ECE1: variants seen among roughly 807,000 people sequenced by gnomAD.
ECE1 encodes the protein endothelin converting enzyme 1, also known as endothelin-converting enzyme 1.
Under a neutral mutation model 98.6 loss-of-function variants are expected in ECE1, and 35 were observed. That is an observed-to-expected ratio of 0.35 (90% CI 0.27 to 0.47). The LOEUF is 0.47. Ranked by LOEUF, ECE1 falls within the 20% of genes least tolerant of loss-of-function variation. The probability of loss-of-function intolerance (pLI) is 1.00; values close to 1 mark genes in which losing one functional copy is unlikely to be tolerated. For synonymous variants in ECE1, 394 were observed against 407.1 expected, an observed-to-expected ratio of 0.97 and a Z score of 0.39; for missense variants, 814 against 1,025.3, an observed-to-expected ratio of 0.79 and a Z score of 2.81.
intron 10 of ECE1, among the ~76,000 whole-genome samples, chr1:21,244,698 T>C (rs894134236): frequency 6.6e-6 from 1 of 152,146 alleles, no homozygotes; most frequent in Non-Finnish European, 1.5e-5. Flanking sequence ...AGTAATACTA[T>C]TGGTGGTCCC....
chr1:21,320,452 T>C (rs1241247021), intron 1 of ECE1, among the ~76,000 whole-genome samples: 1 of 152,200 alleles, frequency 6.6e-6, no homozygotes, highest in Non-Finnish European at 1.5e-5. Flanking sequence ...TATGAGTAAT[T>C]GAAGAGTTTG....
intron 17 of ECE1, among the ~76,000 whole-genome samples, chr1:21,223,582 C>T (rs1314414052): frequency 2.0e-5 from 3 of 152,200 alleles, no homozygotes; most frequent in Non-Finnish European, 4.4e-5. Flanking sequence ...TTCCCTGCCT[C>T]GGCCTCCCGA....
At chr1:21,241,900 T>A (rs1206593490) in intron 10 of ECE1, among the ~76,000 whole-genome samples, 1 of 152,076 alleles carries the variant, frequency 6.6e-6, no homozygotes, top group Non-Finnish European at 1.5e-5. Flanking sequence ...TTGCAGGAGA[T>A]CTATGAGTCA....
At chr1:21,221,907 TG>T (rs1331725915) in intron 17 of ECE1, 65 bp from the exon 18 acceptor site, 2 of 1,457,332 alleles carry the variant, frequency 1.4e-6, no homozygotes, top group South Asian at 1.1e-5. Flanking sequence ...GGGACTGGTA[TG>T]GAGGTCTCAG....
rs571502222 is a variant in ECE1 at position 21,253,767 on chromosome 1, T to TAAA, written c.1020+2177_1020+2179dup. Reference sequence around the variant, plus strand: ...GAGAGCGCGAGACTCTGTCTCAAATTAAAAAAAAAAAAAGAACCACAGGCC... The same window carrying TAAA: ...GAGAGCGCGAGACTCTGTCTCAAATTAAAAAAAAAAAAAAAAGAACCACAGGCC... On this transcript the variant is annotated intron_variant, in intron 8 of 18. Coordinates refer to ENST00000374893, the MANE Select transcript of ECE1 (RefSeq NM_001397.3). 1.6e-3 allele frequency among the ~76,000 whole-genome samples: 188 copies of TAAA among 119,302 alleles called. 2 individuals carry two copies. The highest frequency in any genetic ancestry group is 4.8e-3 in the African/African-American group (159 of 33,264). 78.3% of individuals were successfully genotyped at this position (119,302 alleles called of 152,430 possible).
chr1:21,345,394 C>G lies in ECE1; in HGVS notation c.-16G>C. 1 of 1,337,954 alleles carries G rather than the reference C, an allele frequency of 7.5e-7. No homozygotes were observed. The highest frequency in any genetic ancestry group is 9.7e-7 in the Non-Finnish European group (1 of 1,034,146). The allele number at this position is 1,337,954 out of a possible 1,614,324, so 82.9% of individuals were successfully genotyped here. A position where few individuals can be genotyped will look rare whatever the true frequency, so the allele number is the denominator to read the frequency against. On this transcript the variant is annotated 5_prime_UTR_variant, in exon 1 of 19. Coordinates refer to the ECE1 transcript ENST00000415912. This position sits in a 1 kb window ranked among gnomAD's most constrained non-coding sequence, Gnocchi z 5.1. ...CACTCACCATAGCTCGCGTGCTCCG[C>G]CCCGGCTTCGCGCAGCTCCCCGCGC...
chr1:21,273,346 C>CGTGTGTGCGTGTGT (rs374866976), intron 3 of ECE1, among the ~76,000 whole-genome samples: 2 of 133,078 alleles, frequency 1.5e-5, no homozygotes, highest in African/African-American at 6.2e-5. Flanking sequence ...TGCGTGTGTG[C>CGTGTGTGCGTGTGT]GTGTGTGTGT....
chr1:21,330,787 C>G (rs116723872), intron 1 of ECE1, among the ~76,000 whole-genome samples: 303 of 152,286 alleles, frequency 2.0e-3, no homozygotes, highest in African/African-American at 6.9e-3. Context: ...CTTCCACACC[C>G]CCTTCCTTGA....
At chr1:21,297,566 C>G (rs912652140) in intron 1 of ECE1, among the ~76,000 whole-genome samples, 2 of 143,600 alleles carry the variant, frequency 1.4e-5, no homozygotes, top group African/African-American at 5.2e-5. Flanking sequence ...GAATCTCACT[C>G]TGTCACCCAG....
intron 4 of ECE1, among the ~76,000 whole-genome samples, chr1:21,264,916 A>G (rs957524060): frequency 6.6e-6 from 1 of 152,102 alleles, no homozygotes; most frequent in Non-Finnish European, 1.5e-5. Context: ...TAACTCAAGC[A>G]TCTGCTCAGA....
chr1:21,310,133 C>T (rs1037043301), intron 1 of ECE1, among the ~76,000 whole-genome samples: 3 of 152,200 alleles, frequency 2.0e-5, no homozygotes, highest in Non-Finnish European at 4.4e-5. Flanking sequence ...TCTTGGCTCA[C>T]ATTGCCTCAG....
In ECE1 at chr1:21,260,311, T is replaced by C; in HGVS notation, c.575A>G (p.Glu192Gly). The C allele has an allele frequency of 6.2e-7, 1 of 1,614,256 alleles. No homozygotes were observed. Reference protein sequence around the residue: ...YRACMNETRIEELRAKPLMEL... With the variant: ...YRACMNETRIGELRAKPLMEL... Reference sequence around the variant, plus strand: ...CATTAGAGGTTTGGCCCTGAGCTCCTCGATCCTGGTCTCGTTCATGCACGC... The same window carrying C: ...CATTAGAGGTTTGGCCCTGAGCTCCCCGATCCTGGTCTCGTTCATGCACGC... Residue 192 changes from glutamate to glycine, a missense_variant, in exon 5 of 19, where the codon GAG (glutamate) becomes GGG (glycine). By Grantham distance (98) the Glu-to-Gly change is moderately conservative. Around this residue, in one of 3 missense-constraint regions of ECE1, gnomAD observed 257 missense variants for 278.9 expected, o/e 0.92. Coordinates refer to ENST00000374893, the MANE Select transcript of ECE1 (RefSeq NM_001397.3). This position sits in a 1 kb window ranked among gnomAD's most constrained non-coding sequence, Gnocchi z 4.3.
upstream of ECE1, chr1:21,290,527 T>C: frequency 8.3e-7 from 1 of 1,198,980 alleles, no homozygotes; most frequent in Non-Finnish European, 1.0e-6. The surrounding 1 kb of genome is among the most constrained non-coding windows in gnomAD (Gnocchi z 7.3). Context: ...GGCGCCCGGT[T>C]CCCAACCTCC....
intron 1 of ECE1, among the ~76,000 whole-genome samples, chr1:21,328,885 C>G (rs1639138723): frequency 6.6e-6 from 1 of 152,080 alleles, no homozygotes; most frequent in East Asian, 1.9e-4. Context: ...CCAGCTCTGC[C>G]ACCACAAGCT....
At chr1:21,264,319 C>CG (rs1558398371) in intron 4 of ECE1, among the ~76,000 whole-genome samples, 1 of 143,636 alleles carries the variant, frequency 7.0e-6, no homozygotes, top group Non-Finnish European at 1.5e-5. Flanking sequence ...TCCCCCCCCC[C>CG]CTTTTTTTTT....
chr1:21,255,955 C>T lies in ECE1; in HGVS notation c.1012G>A (p.Glu338Lys), dbSNP rs1234219477. ...GCCGGCGCTCAAGTTACCTGCAGCT[C>T]GGCTGCCGTCACTTTGTGGTAGATG... ...ELIYHKVTAAELQTLAPAINW... is the reference protein window; with the variant it reads ...ELIYHKVTAAKLQTLAPAINW... Residue 338 changes from glutamate (E) to lysine (K), a missense_variant, in exon 8 of 19, where the codon GAG becomes AAG. Physicochemically the swap from Glu to Lys is moderately conservative, Grantham distance 56. Around this residue, in one of 3 missense-constraint regions of ECE1, gnomAD observed 105 missense variants for 179.1 expected, o/e 0.59. Transcript: ENST00000374893. 13 of 1,613,926 alleles carry T rather than the reference C, an allele frequency of 8.1e-6. No individual in the cohort carries two copies. The highest frequency in any genetic ancestry group is 4.0e-5 in the African/African-American group (3 of 74,946).
intron 2 of ECE1, 146 bp downstream of exon 2, chr1:21,289,924 A>T: frequency 1.0e-6 from 1 of 1,004,630 alleles, no homozygotes; most frequent in Non-Finnish European, 1.3e-6. Context: ...AGCTGCGGGG[A>T]GGCGCGGCCC....
intron 8 of ECE1, among the ~76,000 whole-genome samples, chr1:21,252,967 C>T (rs1438879929): frequency 6.6e-6 from 1 of 152,224 alleles, no homozygotes; most frequent in Non-Finnish European, 1.5e-5. Flanking sequence ...TCTCCAACAA[C>T]CCTGTGTGGC....
chr1:21,336,002 C>A (rs1487783972), intron 1 of ECE1, among the ~76,000 whole-genome samples: 5 of 152,244 alleles, frequency 3.3e-5, no homozygotes, highest in South Asian at 2.1e-4. Context: ...CAGCCCAGAA[C>A]TGCCAGGCCC....
Sources: gnomAD v4.1 joint callset for allele counts (sites outside exome capture counted in the v4.1 genomes callset) on GRCh38, gnomAD v4.1.1 for gene constraint, gnomAD v4.1.1 regional missense constraint, Gnocchi (gnomAD v3.1) non-coding constraint, MANE v1.5 for transcripts, NCBI Gene and HGNC (gene_info 2026-07-23, HGNC 2026-07-21) for gene names.